Variants in PLPP1 observed in about 807,000 individuals in gnomAD.
PLPP1 encodes the protein phospholipid phosphatase 1.
A neutral mutation model predicts 31.2 loss-of-function variants in PLPP1; 24 were observed. The observed-to-expected ratio is 0.77, with a 90% confidence interval of 0.56 to 1.08. The LOEUF (loss-of-function observed/expected upper bound fraction) is 1.08, where lower values mean the gene tolerates loss of function less well. Ranked by LOEUF, PLPP1 falls within the 50% of genes least tolerant of loss-of-function variation. PLPP1 has a pLI of 0.00. For missense variants in PLPP1, 319 were observed against 342.7 expected, an observed-to-expected ratio of 0.93 and a Z score of 0.55; for synonymous variants, 146 against 126.3, an observed-to-expected ratio of 1.16 and a Z score of -1.05.
At chr5:55,458,572 A>T (rs1007739747) in intron 3 of PLPP1, among the ~76,000 whole-genome samples, 1 of 152,152 alleles carries the variant, frequency 6.6e-6, no homozygotes, top group Non-Finnish European at 1.5e-5. Context: ...GAAGAACAGT[A>T]ACAAAGAGAC....
chr5:55,494,638 T>C (rs1561245987), intron 1 of PLPP1, among the ~76,000 whole-genome samples: 1 of 152,168 alleles, frequency 6.6e-6, no homozygotes, highest in Non-Finnish European at 1.5e-5. Context: ...AGCCTTCTAC[T>C]GCGGATAGTT....
chr5:55,428,870 A>G (rs1029488551), intron 4 of PLPP1, among the ~76,000 whole-genome samples: 4 of 152,226 alleles, frequency 2.6e-5, no homozygotes, highest in African/African-American at 9.6e-5. Flanking sequence ...GTAGGAACTT[A>G]ACAGAGCTGT....
chr5:55,512,086 G>A lies in PLPP1; in HGVS notation c.58+22486C>T, dbSNP rs187018959. On this transcript the variant is annotated intron_variant, in intron 1 of 5. Coordinates refer to ENST00000307259, the MANE Select transcript of PLPP1 (RefSeq NM_003711.4). ...GAAGGTTGCAGTGAGCCAAGATAGC[G>A]CCATTGCACTCCAGCCTAGGCAACA... 3.6e-3 allele frequency among the ~76,000 whole-genome samples: 547 copies of A among 151,550 alleles called. 5 individuals carry two copies. The Middle Eastern group carries it at 0.065, about 18-fold the overall frequency.
chr5:55,455,690 A>G (rs1751990687), intron 3 of PLPP1, among the ~76,000 whole-genome samples: 1 of 152,218 alleles, frequency 6.6e-6, no homozygotes, highest in African/African-American at 2.4e-5. Context: ...CGGTAAATAT[A>G]AACCCTTGTA....
intron 1 of PLPP1, among the ~76,000 whole-genome samples, chr5:55,512,505 A>G (rs1430296883): frequency 0.015 from 147 of 10,060 alleles, 9 homozygotes; most frequent in African/African-American, 0.028. Context: ...AGAAAAGAAA[A>G]GAAAAGAAAA....
chr5:55,484,369 T>G lies in PLPP1; in HGVS notation c.59-8919A>C, dbSNP rs527411140. The stretch of plus-strand genomic sequence containing the variant: ...TCCGCTATTGCACTAGGTGCAATAG[T>G]CTTGAGTAAAGTTTTCCTTACCATT... On this transcript the variant is annotated intron_variant, in intron 1 of 5. Coordinates refer to ENST00000307259, the MANE Select transcript of PLPP1 (RefSeq NM_003711.4). 5.9e-5 allele frequency: 9 copies of G among 152,214 alleles called. No individual in the cohort carries two copies. In the South Asian group the frequency reaches 1.9e-3, roughly 32 times the overall value. The allele number at this position is 152,214 out of a possible 1,614,324, so 9.4% of individuals were successfully genotyped here.
chr5:55,433,209 G>C (rs1262755395), intron 4 of PLPP1, among the ~76,000 whole-genome samples: 2 of 150,876 alleles, frequency 1.3e-5, no homozygotes, highest in Non-Finnish European at 2.9e-5. Flanking sequence ...TGTGGTCCCA[G>C]CTATTTGGGA....
intron 1 of PLPP1, among the ~76,000 whole-genome samples, chr5:55,518,392 G>C (rs942590005): frequency 2.0e-5 from 3 of 151,302 alleles, no homozygotes; most frequent in African/African-American, 7.3e-5. Context: ...AAAAAAAATT[G>C]ACACCCAGCT....
rs574415428 is a variant in PLPP1 at position 55,430,241 on chromosome 5, G to A, written c.550-4202C>T. 1.8e-4 allele frequency among the ~76,000 whole-genome samples: 28 copies of A among 152,270 alleles called. No homozygotes were observed. In the South Asian group the frequency reaches 2.5e-3, roughly 14 times the overall value. Reference sequence around the variant, plus strand: ...CAGCAAGCCCGAGGACCTTCCCACCGTGCTACTGCTGGCATCCAAGCAAGC... The same window carrying A: ...CAGCAAGCCCGAGGACCTTCCCACCATGCTACTGCTGGCATCCAAGCAAGC... On this transcript the variant is annotated intron_variant, in intron 4 of 5. Transcript: ENST00000307259.
chr5:55,508,686 G>A (rs1253314964), intron 1 of PLPP1, among the ~76,000 whole-genome samples: 2 of 152,196 alleles, frequency 1.3e-5, no homozygotes, highest in African/African-American at 2.4e-5. Flanking sequence ...ACACTAGCTG[G>A]TGCTAGAGGA....
intron 3 of PLPP1, among the ~76,000 whole-genome samples, chr5:55,445,335 C>G (rs1751736215): frequency 6.6e-6 from 1 of 152,060 alleles, no homozygotes; most frequent in Admixed American, 6.6e-5. Context: ...AAGCAATCAA[C>G]TCATATAAAG....
chr5:55,500,647 G>A (rs1156511395), intron 1 of PLPP1, among the ~76,000 whole-genome samples: 1 of 55,068 alleles, frequency 1.8e-5, no homozygotes, highest in African/African-American at 4.1e-5. Flanking sequence ...GGGTAGCAGG[G>A]AGACACACAA....
At chr5:55,491,614 T>C (rs1489573783) in intron 1 of PLPP1, among the ~76,000 whole-genome samples, 2 of 151,788 alleles carry the variant, frequency 1.3e-5, no homozygotes, top group Non-Finnish European at 2.9e-5. Flanking sequence ...TCCCAGCACT[T>C]TGGGAGGCCA....
At chr5:55,434,133 A>C (rs1250283411) in intron 4 of PLPP1, among the ~76,000 whole-genome samples, 1 of 135,008 alleles carries the variant, frequency 7.4e-6, no homozygotes, top group African/African-American at 3.0e-5. Context: ...ACTCTGTCTC[A>C]AAAAAAAAAA....
chr5:55,462,903 G>A (rs1261577687), intron 3 of PLPP1, among the ~76,000 whole-genome samples: 2 of 152,006 alleles, frequency 1.3e-5, no homozygotes, highest in African/African-American at 4.8e-5. Context: ...AACCCGGGAG[G>A]CGAAGCTTGC....
intron 1 of PLPP1, among the ~76,000 whole-genome samples, chr5:55,509,569 G>A (rs1035296192): frequency 6.6e-6 from 1 of 152,092 alleles, no homozygotes; most frequent in African/African-American, 2.4e-5. Flanking sequence ...ACCAAAGATG[G>A]TTTTTACATT....
chr5:55,424,973 G>A lies in PLPP1; in HGVS notation c.*233C>T, dbSNP rs1013919362. ...ATTTTTTTAATAAAAATGTATACAG[G>A]TGGGGCACTGTTTTGGTGGAAGGCT... On this transcript the variant is annotated 3_prime_UTR_variant, in exon 6 of 6. Transcript: ENST00000307259. 1 of 645,084 alleles carries A rather than the reference G, an allele frequency of 1.6e-6. No homozygotes were observed. The highest frequency in any genetic ancestry group is 2.6e-6 in the Non-Finnish European group (1 of 384,250). 40.0% of individuals were successfully genotyped at this position (645,084 alleles called of 1,614,324 possible). A position where few individuals can be genotyped will look rare whatever the true frequency, so the allele number is the denominator to read the frequency against.
intron 2 of PLPP1, among the ~76,000 whole-genome samples, chr5:55,472,009 C>T (rs1752425881): frequency 6.6e-6 from 1 of 152,116 alleles, no homozygotes; most frequent in African/African-American, 2.4e-5. Context: ...GTGGTCCCAG[C>T]TCCTCAGGTG....
intron 3 of PLPP1, among the ~76,000 whole-genome samples, chr5:55,449,945 A>G (rs528196931): frequency 1.3e-5 from 2 of 152,068 alleles, no homozygotes; most frequent in African/African-American, 4.8e-5. Flanking sequence ...AACGGTCCCC[A>G]CCAAAATTAA....
Sources: allele counts gnomAD v4.1 joint callset (sites outside exome capture counted in the v4.1 genomes callset), GRCh38; gene constraint gnomAD v4.1.1; transcripts MANE v1.5; gene names NCBI Gene and HGNC (gene_info 2026-07-23, HGNC 2026-07-21).